Variants in PSMA1 observed in about 807,000 individuals in gnomAD.
PSMA1 encodes proteasome 20S subunit alpha 1, also known as proteasome subunit alpha type-1.
Under a neutral mutation model 38.4 loss-of-function variants are expected in PSMA1, and 3 were observed. The observed-to-expected ratio is 0.08, with a 90% CI of 0.04 to 0.20. The LOEUF is 0.20. Ranked by LOEUF, PSMA1 falls within the 10% of genes least tolerant of loss-of-function variation. The pLI, the probability that PSMA1 is intolerant of heterozygous loss-of-function variation, is 1.00. For synonymous variants in PSMA1, 101 were observed against 107.1 expected (o/e 0.94, Z 0.35); for missense variants, 227 against 325.3 (o/e 0.70, Z 2.32).
intron 2 of PSMA1, among the ~76,000 whole-genome samples, chr11:14,569,943 C>A (rs1852118532): frequency 6.6e-6 from 1 of 152,250 alleles, no homozygotes; most frequent in Admixed American, 6.5e-5. Flanking sequence ...AGTAGCCTAA[C>A]TTGGAGACAA....
At chr11:14,516,046 C>A (rs1851420896) in intron 4 of PSMA1, among the ~76,000 whole-genome samples, 1 of 151,688 alleles carries the variant, frequency 6.6e-6, no homozygotes, top group African/African-American at 2.4e-5. Flanking sequence ...CTCGTCTCTA[C>A]TAAAAATGCA....
chr11:14,620,556 A>T (rs1852832231), intron 1 of PSMA1, among the ~76,000 whole-genome samples: 2 of 152,376 alleles, frequency 1.3e-5, no homozygotes, highest in South Asian at 2.1e-4. Context: ...GACTTACTGG[A>T]GGAATAAATT....
chr11:14,565,904 G>A (rs147767072), intron 2 of PSMA1, among the ~76,000 whole-genome samples: 1 of 152,300 alleles, frequency 6.6e-6, no homozygotes, highest in Non-Finnish European at 1.5e-5. Context: ...AATTAGTCAG[G>A]CAAGCCTTCT....
At chr11:14,586,468 C>T (rs1041307262) in intron 2 of PSMA1, among the ~76,000 whole-genome samples, 1 of 152,000 alleles carries the variant, frequency 6.6e-6, no homozygotes, top group African/African-American at 2.4e-5. Context: ...TGATGTGTTA[C>T]TCCCTGAGCC....
chr11:14,624,929 G>C (rs757032635), intron 1 of PSMA1, among the ~76,000 whole-genome samples: 1 of 152,174 alleles, frequency 6.6e-6, no homozygotes, highest in African/African-American at 2.4e-5. Context: ...TGATAGCTGA[G>C]GGTTGAGAGG....
Position 14,533,005 on chromosome 11 carries a change from A to T in PSMA1, c.22-13964T>A, listed in dbSNP as rs1851666801. Among the ~76,000 whole-genome samples the T allele has an allele frequency of 1.3e-5, 2 of 152,214 alleles. 1 individual carries two copies. Among genetic ancestry groups the T allele is most frequent in the South Asian group, 4.1e-4 (2 of 4,836 alleles). On this transcript the variant is annotated intron_variant, in intron 2 of 10. Transcript: ENST00000418988. Reference sequence around the variant, plus strand: ...ACTGTGTTTTTTCCCCTTCAATACTATCCATCTAGAGAAGGGAGAATATCC... The same window carrying T: ...ACTGTGTTTTTTCCCCTTCAATACTTTCCATCTAGAGAAGGGAGAATATCC...
At chr11:14,558,528 G>A (rs1197303704) in intron 2 of PSMA1, among the ~76,000 whole-genome samples, 1 of 152,220 alleles carries the variant, frequency 6.6e-6, no homozygotes, top group African/African-American at 2.4e-5. Context: ...AAGAGGAGCT[G>A]TAGTTCCCTC....
rs189474457 is a variant in PSMA1, at chr11:14,627,304, G to T, written c.-166+16151C>A. On this transcript the variant is annotated intron_variant, in intron 1 of 10. Transcript: ENST00000418988. ...TCGAAACTATGCTGGTCTACCTCAG[G>T]ATAATGTGGTTCCTAGACCTCCTGC... 9.2e-5 allele frequency among the ~76,000 whole-genome samples: 14 copies of T among 152,260 alleles called. No individual in the cohort carries two copies. In the East Asian group the frequency reaches 2.7e-3, roughly 29 times the overall value.
chr11:14,555,964 T>C (rs1292913260), intron 2 of PSMA1, among the ~76,000 whole-genome samples: 2 of 152,230 alleles, frequency 1.3e-5, no homozygotes, highest in Non-Finnish European at 2.9e-5. Flanking sequence ...CAGTTTTGTT[T>C]TCTCACTGAC....
intron 2 of PSMA1, among the ~76,000 whole-genome samples, chr11:14,558,459 G>A (rs1052336683): frequency 6.6e-6 from 1 of 152,028 alleles, no homozygotes; most frequent in Admixed American, 6.6e-5. Flanking sequence ...CACAATCTTT[G>A]TCTACCTTCT....
chr11:14,565,369 CTTTG>C (rs1748688183), intron 2 of PSMA1, among the ~76,000 whole-genome samples: 1 of 152,010 alleles, frequency 6.6e-6, no homozygotes, highest in Non-Finnish European at 1.5e-5. Flanking sequence ...TTTCTCTATT[CTTTG>C]TTTTTCACTT....
intron 2 of PSMA1, among the ~76,000 whole-genome samples, chr11:14,562,850 G>A (rs1852025707): frequency 6.6e-6 from 1 of 152,014 alleles, no homozygotes; most frequent in Non-Finnish European, 1.5e-5. Flanking sequence ...GGGATTACAG[G>A]TGTGAGCCAC....
intron 1 of PSMA1, among the ~76,000 whole-genome samples, chr11:14,622,075 G>A (rs1215987814): frequency 1.3e-5 from 2 of 152,172 alleles, no homozygotes; most frequent in Non-Finnish European, 2.9e-5. Flanking sequence ...GGTCCTAGAT[G>A]CTCTAGACAG....
chr11:14,530,898 T>C (rs1297637931), intron 2 of PSMA1, among the ~76,000 whole-genome samples: 2 of 85,474 alleles, frequency 2.3e-5, no homozygotes, highest in African/African-American at 1.1e-4. Context: ...CAAGACTCCG[T>C]CTCAAAAAAA....
intron 2 of PSMA1, among the ~76,000 whole-genome samples, chr11:14,543,672 T>C (rs1413836121): frequency 6.6e-6 from 1 of 152,206 alleles, no homozygotes; most frequent in Admixed American, 6.5e-5. Context: ...TTGAAATTAA[T>C]TTACATACAG....
chr11:14,633,036 T>G (rs1370957262), intron 1 of PSMA1, among the ~76,000 whole-genome samples: 47 of 150,568 alleles, frequency 3.1e-4, no homozygotes, highest in Non-Finnish European at 5.4e-4. Context: ...TTATACATTC[T>G]TCTAAATTTT....
At chr11:14,564,622 G>A (rs1739248619) in intron 2 of PSMA1, among the ~76,000 whole-genome samples, 1 of 152,184 alleles carries the variant, frequency 6.6e-6, no homozygotes, top group South Asian at 2.1e-4. Context: ...TTGCCAAACT[G>A]TCAGAGTGGC....
intron 2 of PSMA1, among the ~76,000 whole-genome samples, chr11:14,561,404 G>A (rs1852006490): frequency 6.6e-6 from 1 of 152,188 alleles, no homozygotes; most frequent in African/African-American, 2.4e-5. Context: ...TCCTATCCCA[G>A]TCTGTATTGG....
chr11:14,556,605 T>C (rs1296775495), intron 2 of PSMA1, among the ~76,000 whole-genome samples: 1 of 152,202 alleles, frequency 6.6e-6, no homozygotes, highest in Non-Finnish European at 1.5e-5. Context: ...AAAGGCCATA[T>C]CAGCTTCAGG....
Sources: gnomAD v4.1 joint callset for allele counts (sites outside exome capture counted in the v4.1 genomes callset) on GRCh38, gnomAD v4.1.1 for gene constraint, MANE v1.5 for transcripts, NCBI Gene and HGNC (gene_info 2026-07-23, HGNC 2026-07-21) for gene names.